Variants in SPOCK1 observed in about 807,000 individuals in gnomAD.
SPOCK1 encodes the protein SPARC (osteonectin), cwcv and kazal like domains proteoglycan 1.
A neutral mutation model predicts 55.3 loss-of-function variants in SPOCK1; 23 were observed. The observed-to-expected ratio is 0.42, with a 90% CI of 0.30 to 0.59. The LOEUF (loss-of-function observed/expected upper bound fraction) is 0.59. Ranked by LOEUF, SPOCK1 falls within the 20% of genes least tolerant of loss-of-function variation. The probability of loss-of-function intolerance (pLI) is 0.22; values close to 1 mark genes in which losing one functional copy is unlikely to be tolerated. For synonymous variants in SPOCK1, 226 were observed against 221.0 expected (o/e 1.02, Z -0.20); for missense variants, 499 against 552.5 (o/e 0.90, Z 0.97).
intron 3 of SPOCK1, among the ~76,000 whole-genome samples, chr5:137,208,367 G>A (rs771660758): frequency 6.6e-6 from 1 of 152,140 alleles, no homozygotes; most frequent in Non-Finnish European, 1.5e-5. Context: ...TGAAGCCTGA[G>A]AGGTGTTAAG....
At chr5:137,277,449 T>A (rs916976642) in intron 2 of SPOCK1, among the ~76,000 whole-genome samples, 1 of 152,136 alleles carries the variant, frequency 6.6e-6, no homozygotes, top group African/African-American at 2.4e-5. Flanking sequence ...ACTTCGAAGA[T>A]CATGCTGTAA....
intron 6 of SPOCK1, among the ~76,000 whole-genome samples, chr5:137,026,133 G>C (rs1429339411): frequency 6.6e-6 from 1 of 152,248 alleles, no homozygotes; most frequent in Non-Finnish European, 1.5e-5. Flanking sequence ...GACCAGGCTA[G>C]AGAAAGAACC....
chr5:137,495,297 T>C (rs1163719215), intron 2 of SPOCK1, among the ~76,000 whole-genome samples: 2 of 152,208 alleles, frequency 1.3e-5, no homozygotes, highest in African/African-American at 4.8e-5. Context: ...CCTCTGGCAA[T>C]GTCACAGCAC....
chr5:137,279,338 A>G (rs17781969), intron 2 of SPOCK1, among the ~76,000 whole-genome samples: 17,584 of 152,294 alleles, frequency 0.12, 1,312 homozygotes, highest in East Asian at 0.25. Flanking sequence ...GGTAACTATC[A>G]CTTAGAAAAA....
intron 2 of SPOCK1, among the ~76,000 whole-genome samples, chr5:137,433,724 C>T (rs2149829722): frequency 6.6e-6 from 1 of 152,302 alleles, no homozygotes; most frequent in South Asian, 2.1e-4. Flanking sequence ...ATCCAACCAA[C>T]TAGAACAAAG....
At chr5:137,144,916 G>A (rs1018855770) in intron 3 of SPOCK1, among the ~76,000 whole-genome samples, 5 of 152,102 alleles carry the variant, frequency 3.3e-5, no homozygotes, top group African/African-American at 7.2e-5. Context: ...ATCTCTCTCC[G>A]CATACAAGGA....
At chr5:137,335,945 G>T (rs1278352901) in intron 2 of SPOCK1, among the ~76,000 whole-genome samples, 1 of 152,134 alleles carries the variant, frequency 6.6e-6, no homozygotes, top group Non-Finnish European at 1.5e-5. Flanking sequence ...TGTGAGAAAG[G>T]CTCTTTATTT....
At chr5:137,070,391 G>A (rs943884824) in intron 5 of SPOCK1, among the ~76,000 whole-genome samples, 2 of 152,192 alleles carry the variant, frequency 1.3e-5, no homozygotes, top group African/African-American at 4.8e-5. Flanking sequence ...AGACCATGAA[G>A]GCCTTAACAG....
At chr5:137,278,797 C>T (rs1235029519) in intron 2 of SPOCK1, among the ~76,000 whole-genome samples, 3 of 152,184 alleles carry the variant, frequency 2.0e-5, no homozygotes, top group Admixed American at 6.6e-5. Context: ...AGAGAGATGA[C>T]GTACTGATGT....
At chr5:137,007,251 A>ACACCAAAAGCAATTG (rs1359554603) in intron 6 of SPOCK1, among the ~76,000 whole-genome samples, 1 of 152,216 alleles carries the variant, frequency 6.6e-6, no homozygotes, top group Non-Finnish European at 1.5e-5. Flanking sequence ...CATGACTAAA[A>ACACCAAAAGCAATTG]CACCAAAAGC....
intron 2 of SPOCK1, among the ~76,000 whole-genome samples, chr5:137,353,120 C>T (rs1029387357): frequency 6.6e-6 from 1 of 152,162 alleles, no homozygotes; most frequent in African/African-American, 2.4e-5. Context: ...TGGCTCACTC[C>T]TGTAATCTCA....
At position 137,123,592 on chromosome 5, in the gene SPOCK1, C is replaced by A. The variant is rs376217300; in HGVS notation, c.348-11031G>T. On this transcript the variant is annotated intron_variant, in intron 4 of 10. Coordinates refer to ENST00000394945, the MANE Select transcript of SPOCK1 (RefSeq NM_004598.4). ...TATTCCACAGCAGAACCAGACAGAACCTATTCTACCTAGACCGTGTTGAAG... is the reference window on the plus strand; with the variant it reads ...TATTCCACAGCAGAACCAGACAGAAACTATTCTACCTAGACCGTGTTGAAG... 6.0e-4 allele frequency among the ~76,000 whole-genome samples: 91 copies of A among 152,258 alleles called. 1 individual carries two copies. Among genetic ancestry groups the A allele is most frequent in the African/African-American group, 2.1e-3 (89 of 41,552 alleles).
chr5:137,139,077 T>C (rs1754044865), intron 4 of SPOCK1, among the ~76,000 whole-genome samples: 1 of 152,202 alleles, frequency 6.6e-6, no homozygotes, highest in Non-Finnish European at 1.5e-5. Flanking sequence ...CTGAGCACAA[T>C]GCTTGCACAG....
At chr5:137,486,165 C>T (rs1754050976) in intron 2 of SPOCK1, among the ~76,000 whole-genome samples, 1 of 152,208 alleles carries the variant, frequency 6.6e-6, no homozygotes, top group African/African-American at 2.4e-5. Flanking sequence ...AACTCTCCAC[C>T]TTGATTGTAC....
At chr5:137,083,475 G>A (rs1170249065) in intron 5 of SPOCK1, among the ~76,000 whole-genome samples, 1 of 152,120 alleles carries the variant, frequency 6.6e-6, no homozygotes, top group African/African-American at 2.4e-5. Flanking sequence ...CCCTCAATGG[G>A]CAGCGGCACT....
intron 8 of SPOCK1, 48 bp from the exon 9 acceptor site, chr5:136,985,250 A>G (rs999634506): frequency 5.3e-6 from 8 of 1,521,082 alleles, no homozygotes; most frequent in Non-Finnish European, 6.4e-6. Context: ...ATGGAGTATA[A>G]TCGCTAATGA....
chr5:136,997,442 A>G (rs1561574900), intron 6 of SPOCK1, among the ~76,000 whole-genome samples: 2 of 152,088 alleles, frequency 1.3e-5, no homozygotes, highest in South Asian at 2.1e-4. Context: ...AGCCAAAGTG[A>G]TATTTCCAAA....
chr5:137,199,767 A>G (rs1477170768), intron 3 of SPOCK1, among the ~76,000 whole-genome samples: 1 of 152,128 alleles, frequency 6.6e-6, no homozygotes, highest in Non-Finnish European at 1.5e-5. Flanking sequence ...CTAAATACCA[A>G]CTACAAGCTG....
At chr5:137,368,818 C>G (rs1441378980) in intron 2 of SPOCK1, among the ~76,000 whole-genome samples, 1 of 152,216 alleles carries the variant, frequency 6.6e-6, no homozygotes. Flanking sequence ...TCCAGAGGAA[C>G]ATGTGGTCCG....
Sources: allele counts gnomAD v4.1 joint callset (sites outside exome capture counted in the v4.1 genomes callset), GRCh38; gene constraint gnomAD v4.1.1; transcripts MANE v1.5; gene names NCBI Gene and HGNC (gene_info 2026-07-23, HGNC 2026-07-21).